DMD: variants seen among roughly 807,000 people sequenced by gnomAD.
DMD encodes the protein mutant dystrophin.
DMD carries 63 observed loss-of-function variants against 330.1 expected under a neutral mutation model. The ratio of observed to expected loss-of-function variants is 0.19; its 90% CI spans 0.16 to 0.24. The LOEUF is 0.24. Ranked by LOEUF, DMD falls within the 10% of genes least tolerant of loss-of-function variation. The probability of loss-of-function intolerance (pLI) is 1.00; values close to 1 mark genes in which losing one functional copy is unlikely to be tolerated. For synonymous variants in DMD, 1,223 were observed against 959.8 expected (o/e 1.27, Z -5.07); for missense variants, 3,344 against 2,684.1 (o/e 1.25, Z -5.43).
chrX:33,047,342 G>A (rs1225017282), intron 1 of DMD, among the ~76,000 whole-genome samples: 3 of 110,876 alleles, frequency 2.7e-5, no homozygotes, highest in South Asian at 7.5e-4. Flanking sequence ...GAATATATTC[G>A]ATTGTATTTT....
intron 4 of DMD, among the ~76,000 whole-genome samples, chrX:32,833,922 G>A (rs1216115922): frequency 9.0e-6 from 1 of 110,501 alleles, no homozygotes; most frequent in African/African-American, 3.3e-5. Flanking sequence ...TAAGGGGGAT[G>A]GGAAGAATAA....
chrX:31,162,764 G>C lies in DMD; in HGVS notation c.10553+6679C>G, dbSNP rs1366879504. ...AAGAGAGATAATTAGGATAAAGGGA[G>C]AAATAAACTTTCATTCTGGGTTATC... On this transcript the variant is annotated intron_variant, in intron 74 of 78. Coordinates refer to ENST00000357033, the MANE Select transcript of DMD (RefSeq NM_004006.3). Among the ~76,000 whole-genome samples the C allele has an allele frequency of 1.3e-4, 15 of 111,832 alleles. No individual in the cohort carries two copies. In the Admixed American group the frequency reaches 1.4e-3, roughly 11 times the overall value.
chrX:31,384,169 G>A (rs898830591), intron 60 of DMD, among the ~76,000 whole-genome samples: 4 of 111,801 alleles, frequency 3.6e-5, no homozygotes, highest in Non-Finnish European at 7.5e-5. Context: ...CCTGGCTCCT[G>A]TACCCACTCA....
chrX:33,063,005 A>G (rs934962845), intron 1 of DMD, among the ~76,000 whole-genome samples: 1 of 112,082 alleles, frequency 8.9e-6, no homozygotes, highest in African/African-American at 3.2e-5. Flanking sequence ...ATATATGAGC[A>G]TAAGAGGACA....
chrX:32,490,675 A>G (rs1023601666), intron 20 of DMD, among the ~76,000 whole-genome samples: 7 of 111,487 alleles, frequency 6.3e-5, no homozygotes, highest in African/African-American at 2.0e-4. Context: ...CTGAGTTTCT[A>G]TAACTGCTCT....
chrX:31,401,962 G>A (rs1442449277), intron 60 of DMD, among the ~76,000 whole-genome samples: 3 of 111,517 alleles, frequency 2.7e-5, no homozygotes, highest in African/African-American at 9.8e-5. Flanking sequence ...TGCGCTAAAT[G>A]CTTTTCATGC....
At chrX:32,335,991 CGTGTAT>C (rs1569558535) in intron 41 of DMD, among the ~76,000 whole-genome samples, 3 of 31,435 alleles carry the variant, frequency 9.5e-5, no homozygotes, top group Non-Finnish European at 3.1e-4. Context: ...TTATATATAA[CGTGTAT>C]ATATAACGTT....
At chrX:31,757,291 A>G (rs1569355025) in intron 51 of DMD, among the ~76,000 whole-genome samples, 1 of 111,488 alleles carries the variant, frequency 9.0e-6, no homozygotes, top group Admixed American at 9.6e-5. Flanking sequence ...TGGGCAATTT[A>G]ATTTTTTCCT....
At chrX:32,045,949 T>C (rs1204328963) in intron 44 of DMD, among the ~76,000 whole-genome samples, 1 of 112,333 alleles carries the variant, frequency 8.9e-6, no homozygotes, top group Non-Finnish European at 1.9e-5. Context: ...ATTCATTTAT[T>C]CATTAATAGC....
chrX:31,653,244 C>G (rs1200761070), intron 54 of DMD, among the ~76,000 whole-genome samples: 1 of 111,208 alleles, frequency 9.0e-6, no homozygotes, highest in Non-Finnish European at 1.9e-5. Context: ...AGATGATCAA[C>G]TATTAATTTT....
At chrX:32,825,958 G>C (rs1166475761) in intron 4 of DMD, among the ~76,000 whole-genome samples, 1 of 74,281 alleles carries the variant, frequency 1.3e-5, no homozygotes, top group South Asian at 4.9e-4. Context: ...CCCAACAACA[G>C]AAATATACTT....
intron 44 of DMD, among the ~76,000 whole-genome samples, chrX:32,111,088 C>A (rs895667119): frequency 2.7e-5 from 3 of 112,006 alleles, no homozygotes; most frequent in Admixed American, 9.5e-5. Flanking sequence ...CTAGTATGTA[C>A]CCCAAACCAA....
Position 31,766,419 on chromosome X carries a change from C to T in DMD, c.7542+7541G>A, listed in dbSNP as rs767733001. ...GGCTACAGGCATGCGCCACCACGCC[C>T]GGCTAATTTTGTATTTTTAGTAGAG... is the stretch of plus-strand genomic sequence containing the variant. On this transcript the variant is annotated intron_variant, in intron 51 of 78. Coordinates refer to ENST00000357033, the MANE Select transcript of DMD (RefSeq NM_004006.3). Among the ~76,000 whole-genome samples the T allele has an allele frequency of 1.3e-4, 14 of 111,328 alleles. No individual in the cohort carries two copies. In the East Asian group the frequency reaches 3.4e-3, roughly 27 times the overall value.
chrX:32,541,814 A>G (rs1368164016), intron 17 of DMD, among the ~76,000 whole-genome samples: 1 of 38,594 alleles, frequency 2.6e-5, no homozygotes, highest in South Asian at 8.2e-4. Context: ...AAAAGTTGGG[A>G]AAAAAAAAAA....
At chrX:32,491,242 ATTATGCTCC>A in intron 20 of DMD, 26 bp downstream of exon 20, 1 of 1,207,110 alleles carries the variant, frequency 8.3e-7, no homozygotes, top group East Asian at 3.0e-5. Flanking sequence ...ATACCTATTG[ATTATGCTCC>A]AAATGGAAGG....
At chrX:33,190,889 AT>A (rs1355166368) in intron 1 of DMD, among the ~76,000 whole-genome samples, 847 of 4,225 alleles carry the variant, frequency 0.2, 179 homozygotes, top group East Asian at 0.76. Context: ...AATATATAAT[AT>A]TATATATTAT....
chrX:32,809,536 G>A lies in DMD; in HGVS notation c.606C>T (p.Ile202=), dbSNP rs138335295. ...TCTCTATGCCTAATTGATATCTGGC[G>A]ATGTTGAATGCATGTTCCAGTCGTT... ...ATQRLEHAFN[I]ARYQLGIEKL... The change falls in exon 7 of 79, where the codon ATC becomes ATT. Residue 202 remains isoleucine (I), a synonymous_variant. Transcript: ENST00000357033. 5.0e-5 allele frequency: 61 copies of A among 1,209,001 alleles called. No individual in the cohort carries two copies. Among genetic ancestry groups the A allele is most frequent in the African/African-American group, 3.2e-4 (18 of 56,933 alleles).
chrX:33,226,311 C>T (rs2052289332), intron 1 of DMD, among the ~76,000 whole-genome samples: 1 of 111,422 alleles, frequency 9.0e-6, no homozygotes, highest in South Asian at 3.7e-4. Context: ...AAACTGGAAA[C>T]AACCCAGATG....
intron 61 of DMD, among the ~76,000 whole-genome samples, chrX:31,325,847 T>C (rs2056745845): frequency 9.0e-6 from 1 of 111,488 alleles, no homozygotes. Context: ...TGGCTGTGAA[T>C]GCCAAGCCTG....
Sources: gnomAD v4.1 joint callset for allele counts (sites outside exome capture counted in the v4.1 genomes callset) on GRCh38, gnomAD v4.1.1 for gene constraint, MANE v1.5 for transcripts, NCBI Gene and HGNC (gene_info 2026-07-23, HGNC 2026-07-21) for gene names.